The following PAG1 variants were observed in gnomAD, a reference collection of about 807,000 sequenced individuals.
PAG1 encodes the protein phosphoprotein membrane anchor with glycosphingolipid microdomains 1, also known as phosphoprotein associated with glycosphingolipid-enriched microdomains 1.
A neutral mutation model predicts 31.7 loss-of-function variants in PAG1; 23 were observed. That is an observed-to-expected ratio of 0.73 (90% confidence interval 0.52 to 1.03). The LOEUF (loss-of-function observed/expected upper bound fraction) is 1.03. PAG1 is among the 50% of genes least tolerant of loss of function. The probability of loss-of-function intolerance (pLI) is 0.00; values close to 1 mark genes in which losing one functional copy is unlikely to be tolerated. For synonymous variants in PAG1, 214 were observed against 210.3 expected (o/e 1.02, Z -0.15); for missense variants, 473 against 540.7 (o/e 0.87, Z 1.24).
chr8:81,022,853 T>G (rs1195520245), intron 3 of PAG1, among the ~76,000 whole-genome samples: 2 of 152,190 alleles, frequency 1.3e-5, no homozygotes, highest in African/African-American at 4.8e-5. Flanking sequence ...AACTGCTTTA[T>G]AACATGTTCT....
chr8:81,107,432 A>G (rs1809710223), intron 1 of PAG1, among the ~76,000 whole-genome samples: 1 of 152,182 alleles, frequency 6.6e-6, no homozygotes, highest in African/African-American at 2.4e-5. Flanking sequence ...AGGCTCAAAA[A>G]TCAGTGGCAG....
rs1010640908 is a variant in PAG1 at position 80,972,832 on chromosome 8, A to G, written c.*3712T>C. 6.6e-6 allele frequency: 1 copy of G among 152,134 alleles called. No individual in the cohort carries two copies. The highest frequency in any genetic ancestry group is 2.4e-5 in the African/African-American group (1 of 41,436). 9.4% of individuals were successfully genotyped at this position (152,134 alleles called of 1,614,324 possible). ...TCCTTCTAATTCTGCTTTTCCAACA[A>G]AAGTTCATCACACTAGCAGGATAAA... On this transcript the variant is annotated 3_prime_UTR_variant, in exon 9 of 9. Transcript: ENST00000220597.
At chr8:81,093,294 C>T (rs956398407) in intron 1 of PAG1, among the ~76,000 whole-genome samples, 5 of 152,122 alleles carry the variant, frequency 3.3e-5, no homozygotes, top group African/African-American at 4.8e-5. Flanking sequence ...TTTAAAAAGT[C>T]TGAGGGTGGT....
intron 1 of PAG1, among the ~76,000 whole-genome samples, chr8:81,099,250 TG>T (rs1409361272): frequency 2.0e-5 from 3 of 152,222 alleles, no homozygotes; most frequent in Non-Finnish European, 2.9e-5. Flanking sequence ...CAAACAGGCA[TG>T]TTCTCCAGAT....
intron 3 of PAG1, among the ~76,000 whole-genome samples, chr8:80,996,238 G>T (rs1807670304): frequency 6.6e-6 from 1 of 152,224 alleles, no homozygotes; most frequent in African/African-American, 2.4e-5. Flanking sequence ...GGCTGCACCA[G>T]CAACTGCCAC....
At chr8:81,029,312 A>G (rs1306785056) in intron 3 of PAG1, among the ~76,000 whole-genome samples, 1 of 151,880 alleles carries the variant, frequency 6.6e-6, no homozygotes, top group Non-Finnish European at 1.5e-5. Flanking sequence ...CTCCTCTGAA[A>G]CCTATAGTAT....
chr8:80,995,836 C>T (rs1220773588), intron 3 of PAG1, among the ~76,000 whole-genome samples: 2 of 152,104 alleles, frequency 1.3e-5, no homozygotes, highest in African/African-American at 4.8e-5. Context: ...AGAAGGAGGT[C>T]AGTAGAATAT....
intron 3 of PAG1, among the ~76,000 whole-genome samples, chr8:81,006,958 C>G (rs147437202): frequency 5.3e-5 from 8 of 152,284 alleles, no homozygotes; most frequent in Non-Finnish European, 8.8e-5. Context: ...CACTCTACCC[C>G]CAATTTCCAT....
At chr8:81,107,476 C>T (rs1383410935) in intron 1 of PAG1, among the ~76,000 whole-genome samples, 1 of 152,202 alleles carries the variant, frequency 6.6e-6, no homozygotes, top group Non-Finnish European at 1.5e-5. Flanking sequence ...GGCCTCCTTG[C>T]ACAGTTCTGG....
At chr8:81,043,181 G>A (rs541808286) in intron 2 of PAG1, among the ~76,000 whole-genome samples, 86 of 151,362 alleles carry the variant, frequency 5.7e-4, no homozygotes, top group Non-Finnish European at 1.0e-3. Context: ...CACCACATTC[G>A]CCCACTGGTG....
chr8:81,027,541 A>G (rs999214446), intron 3 of PAG1, among the ~76,000 whole-genome samples: 1 of 152,232 alleles, frequency 6.6e-6, no homozygotes, highest in Admixed American at 6.5e-5. Context: ...TACTACGGAT[A>G]GAATTTTAAA....
At chr8:81,013,145 T>C (rs1264829237) in intron 3 of PAG1, among the ~76,000 whole-genome samples, 4 of 152,208 alleles carry the variant, frequency 2.6e-5, no homozygotes, top group African/African-American at 9.7e-5. Context: ...TAACCACACA[T>C]TTGAGAAAAC....
chr8:81,055,119 G>A (rs1235554537), intron 2 of PAG1, among the ~76,000 whole-genome samples: 2 of 148,920 alleles, frequency 1.3e-5, no homozygotes, highest in Non-Finnish European at 3.0e-5. Context: ...TCTGGAGTGA[G>A]GCAGTGCAAT....
chr8:81,013,055 A>G (rs1296203452), intron 3 of PAG1, among the ~76,000 whole-genome samples: 4 of 152,238 alleles, frequency 2.6e-5, no homozygotes, highest in African/African-American at 9.6e-5. Context: ...CAGACACTGT[A>G]TAACTATCCA....
intron 3 of PAG1, among the ~76,000 whole-genome samples, chr8:81,015,372 G>C (rs1229230188): frequency 6.6e-6 from 1 of 152,166 alleles, no homozygotes; most frequent in African/African-American, 2.4e-5. Context: ...GACCGTCTCT[G>C]GTTCTTTTCC....
intron 3 of PAG1, among the ~76,000 whole-genome samples, chr8:81,016,066 T>C (rs1311441741): frequency 6.6e-6 from 1 of 152,182 alleles, no homozygotes; most frequent in Admixed American, 6.5e-5. Context: ...GTTCCCCCAG[T>C]AGCCAGCCAA....
chr8:81,103,237 T>C (rs1809637580), intron 1 of PAG1, among the ~76,000 whole-genome samples: 1 of 151,698 alleles, frequency 6.6e-6, no homozygotes, highest in South Asian at 2.1e-4. Context: ...CCATCAAATA[T>C]AGAAATTGTA....
intron 1 of PAG1, among the ~76,000 whole-genome samples, chr8:81,087,094 C>T (rs1046833715): frequency 6.6e-6 from 1 of 152,164 alleles, no homozygotes; most frequent in African/African-American, 2.4e-5. Flanking sequence ...CCGGTAATCC[C>T]AGCACTTTGG....
chr8:81,068,995 G>A (rs534866351), intron 2 of PAG1, among the ~76,000 whole-genome samples: 7 of 152,280 alleles, frequency 4.6e-5, no homozygotes, highest in Admixed American at 2.0e-4. Flanking sequence ...TCCCTGAATC[G>A]AGATTCTTGT....
Sources: gnomAD v4.1 joint callset for allele counts (sites outside exome capture counted in the v4.1 genomes callset) on GRCh38, gnomAD v4.1.1 for gene constraint, MANE v1.5 for transcripts, NCBI Gene and HGNC (gene_info 2026-07-23, HGNC 2026-07-21) for gene names.